The following GRM8 variants were observed in gnomAD, a reference collection of about 807,000 sequenced individuals.
GRM8 encodes metabotropic glutamate receptor 8.
A neutral mutation model predicts 87.2 loss-of-function variants in GRM8; 47 were observed. That is an observed-to-expected ratio of 0.54 (90% CI 0.43 to 0.69). The LOEUF is 0.69. Ranked by LOEUF, GRM8 falls within the 30% of genes least tolerant of loss-of-function variation. GRM8 has a pLI of 0.00. For synonymous variants in GRM8, 396 were observed against 404.5 expected (o/e 0.98, Z 0.25); for missense variants, 1,019 against 1,139.2 (o/e 0.89, Z 1.52).
At chr7:127,250,935 T>C (rs761565390) in intron 1 of GRM8, 4 of 152,328 alleles carry the variant, frequency 2.6e-5, no homozygotes, top group Admixed American at 6.5e-5. Context: ...TGATTTTTCT[T>C]GTATCTCCAC....
At chr7:126,873,685 A>T (rs916841691) in intron 6 of GRM8, among the ~76,000 whole-genome samples, 8 of 152,052 alleles carry the variant, frequency 5.3e-5, no homozygotes, top group African/African-American at 1.7e-4. Context: ...ATAAGCCAAA[A>T]ATGTGAATCT....
intron 6 of GRM8, among the ~76,000 whole-genome samples, chr7:126,879,864 CAG>C (rs1426891567): frequency 6.6e-6 from 1 of 152,046 alleles, no homozygotes. Context: ...TAAGGTTAGT[CAG>C]GGGTGAGAGA....
intron 3 of GRM8, among the ~76,000 whole-genome samples, chr7:127,041,978 A>G (rs1818468434): frequency 6.6e-6 from 1 of 152,110 alleles, no homozygotes; most frequent in Admixed American, 6.5e-5. Context: ...GTCTTGGCTG[A>G]TGTTTCTTTC....
intron 3 of GRM8, 119 bp from the exon 4 acceptor site, chr7:126,904,802 G>A: frequency 1.2e-6 from 1 of 863,544 alleles, no homozygotes; most frequent in Non-Finnish European, 1.8e-6. Context: ...CAAAATATGT[G>A]TCACTCTCAC....
intron 3 of GRM8, among the ~76,000 whole-genome samples, chr7:126,997,432 A>G (rs922684246): frequency 2.6e-5 from 4 of 151,708 alleles, no homozygotes; most frequent in African/African-American, 9.7e-5. Flanking sequence ...AAAAAAATAA[A>G]CATCAGAGCA....
At chr7:126,844,559 C>G (rs1250774341) in intron 6 of GRM8, among the ~76,000 whole-genome samples, 1 of 152,118 alleles carries the variant, frequency 6.6e-6, no homozygotes. Context: ...AGGGTTTAGT[C>G]ACTTGCTGTC....
intron 9 of GRM8, among the ~76,000 whole-genome samples, chr7:126,450,963 G>C (rs1802553272): frequency 6.6e-6 from 1 of 151,760 alleles, no homozygotes; most frequent in African/African-American, 2.4e-5. Context: ...GTGTGCACTT[G>C]TACACAAGAC....
chr7:127,247,532 C>T (rs190432457), intron 1 of GRM8, among the ~76,000 whole-genome samples: 242 of 152,052 alleles, frequency 1.6e-3, no homozygotes, highest in Middle Eastern at 6.8e-3. Flanking sequence ...GAAAATGCAT[C>T]GTATTTCTGT....
intron 8 of GRM8, among the ~76,000 whole-genome samples, chr7:126,602,862 G>A (rs1797955118): frequency 1.5e-5 from 2 of 133,246 alleles, no homozygotes; most frequent in East Asian, 2.5e-4. Flanking sequence ...AGAAAAAGAG[G>A]GAATCCTCCC....
At chr7:127,101,436 T>C (rs1825236463) in intron 3 of GRM8, among the ~76,000 whole-genome samples, 1 of 152,200 alleles carries the variant, frequency 6.6e-6, no homozygotes, top group African/African-American at 2.4e-5. Context: ...GTGAGAGGTA[T>C]TGGGTCATGG....
At chr7:126,944,407 C>G (rs978688068) in intron 3 of GRM8, among the ~76,000 whole-genome samples, 2 of 152,090 alleles carry the variant, frequency 1.3e-5, no homozygotes, top group African/African-American at 4.8e-5. Context: ...TGTGGCCCAG[C>G]AGAGAACCTA....
In GRM8 at chr7:126,642,678, G is replaced by T. The variant is rs367993079; in HGVS notation, c.1358-33180C>A. Among the ~76,000 whole-genome samples the T allele has an allele frequency of 6.4e-4, 97 of 152,060 alleles. 1 individual carries two copies. Among genetic ancestry groups the T allele is most frequent in the African/African-American group, 2.2e-3 (93 of 41,490 alleles). ...TAATAACAATAATAATAATAATGCT[G>T]TAATACAACATTCAAGCAAAGGGTT... On this transcript the variant is annotated intron_variant, in intron 7 of 10. Transcript: ENST00000339582.
chr7:126,439,420 C>T (rs995172828), intron 10 of GRM8, among the ~76,000 whole-genome samples: 2 of 152,086 alleles, frequency 1.3e-5, no homozygotes, highest in African/African-American at 4.8e-5. Context: ...ACCCAGTGAA[C>T]ACATAACACA....
intron 6 of GRM8, among the ~76,000 whole-genome samples, chr7:126,860,157 C>T (rs114442585): frequency 0.02 from 3,080 of 152,210 alleles, 114 homozygotes; most frequent in African/African-American, 0.07. Flanking sequence ...AGATTCCTAT[C>T]CAGATTATAA....
chr7:126,504,440 A>G (rs191984042), intron 9 of GRM8, among the ~76,000 whole-genome samples: 209 of 152,096 alleles, frequency 1.4e-3, no homozygotes, highest in Non-Finnish European at 2.4e-3. Flanking sequence ...ATTTATGGTG[A>G]TAATGTGTAT....
intron 7 of GRM8, among the ~76,000 whole-genome samples, chr7:126,742,982 T>A (rs751967044): frequency 6.6e-6 from 1 of 152,100 alleles, no homozygotes; most frequent in Non-Finnish European, 1.5e-5. Flanking sequence ...ACCCGCTGTC[T>A]GGCATATTGT....
intron 9 of GRM8, among the ~76,000 whole-genome samples, chr7:126,526,651 A>G (rs945442462): frequency 2.0e-5 from 3 of 152,242 alleles, no homozygotes; most frequent in Admixed American, 6.5e-5. Flanking sequence ...TTGTGCTATC[A>G]AAGAAGATGG....
At chr7:126,606,796 C>T (rs1222743028) in intron 8 of GRM8, among the ~76,000 whole-genome samples, 1 of 152,118 alleles carries the variant, frequency 6.6e-6, no homozygotes, top group Non-Finnish European at 1.5e-5. Context: ...ATAATACAGT[C>T]ATAAACATAA....
At chr7:127,132,014 G>T (rs1827714862) in intron 2 of GRM8, among the ~76,000 whole-genome samples, 1 of 151,938 alleles carries the variant, frequency 6.6e-6, no homozygotes, top group South Asian at 2.1e-4. Flanking sequence ...TTTGAATTCG[G>T]CAGTCTTAAG....
Sources: gnomAD v4.1 joint callset for allele counts (sites outside exome capture counted in the v4.1 genomes callset) on GRCh38, gnomAD v4.1.1 for gene constraint, MANE v1.5 for transcripts, NCBI Gene and HGNC (gene_info 2026-07-23, HGNC 2026-07-21) for gene names.